Variants in SZT2 observed in about 807,000 individuals in gnomAD.
SZT2 encodes SZT2 subunit of KICSTOR complex, also known as KICSTOR complex protein SZT2.
Under a neutral mutation model 404.2 loss-of-function variants are expected in SZT2, and 216 were observed. The ratio of observed to expected loss-of-function variants is 0.53; its 90% CI spans 0.48 to 0.60. The LOEUF is 0.60. SZT2 is among the 20% of genes least tolerant of loss of function. SZT2 has a pLI of 0.00. For synonymous variants in SZT2, 1,693 were observed against 1,749.9 expected (o/e 0.97, Z 0.81); for missense variants, 3,857 against 4,459.2 (o/e 0.86, Z 3.85).
At chr1:43,419,387 T>A (rs1410084380) in intron 7 of SZT2, among the ~76,000 whole-genome samples, 2 of 152,234 alleles carry the variant, frequency 1.3e-5, no homozygotes, top group Non-Finnish European at 2.9e-5. Context: ...CAGGTGTTTT[T>A]CATACACCCT....
intron 46 of SZT2, 40 bp from the exon 47 acceptor site, chr1:43,438,659 T>A (rs760709947): frequency 8.2e-6 from 13 of 1,584,626 alleles, no homozygotes. Context: ...AGCTGGATCC[T>A]CTACCAGTGT....
chr1:43,409,463 GA>G, intron 4 of SZT2: 1 of 386,270 alleles, frequency 2.6e-6, no homozygotes, highest in Non-Finnish European at 5.0e-6. Context: ...ATCCAAACTG[GA>G]AAATAAGTCA....
intron 46 of SZT2, 85 bp from the exon 47 acceptor site, chr1:43,438,614 C>CT (rs2153935237): frequency 2.3e-6 from 3 of 1,304,000 alleles, no homozygotes; most frequent in East Asian, 2.4e-5. Flanking sequence ...ACAGGGGATT[C>CT]TTTGAGTTTG....
Position 43,423,297 on chromosome 1 carries a change from C to G in SZT2, c.2236C>G (p.Leu746Val). 2 of 1,542,856 alleles carry G rather than the reference C, an allele frequency of 1.3e-6. No individual in the cohort carries two copies. Among genetic ancestry groups the G allele is most frequent in the South Asian group, 2.5e-5 (2 of 81,004 alleles). Residue 746 changes from leucine (L) to valine (V), a missense_variant, in exon 15 of 72, where the codon CTG becomes GTG. Transcript: ENST00000634258. Reference sequence around the variant, plus strand: ...CTGCCTTGTGGTCCTGCATAAGCCACTGGACAAACTGCTCATCAGGTTGGT... The same window carrying G: ...CTGCCTTGTGGTCCTGCATAAGCCAGTGGACAAACTGCTCATCAGGTTGGT... ...RPCLVVLHKP[L>V]DKLLIRYEKL...
chr1:43,432,230 G>A, intron 36 of SZT2, 42 bp from the exon 37 acceptor site: 3 of 1,518,052 alleles, frequency 2.0e-6, no homozygotes, highest in Non-Finnish European at 2.6e-6. Context: ...GTGTAGGGAG[G>A]ACTGCCCTGC....
At chr1:43,409,417 C>A (rs1031266894) in intron 4 of SZT2, 2 of 348,244 alleles carry the variant, frequency 5.7e-6, no homozygotes, top group Non-Finnish European at 1.1e-5. Flanking sequence ...TGAAGGTCTA[C>A]CTAGAATAGT....
Position 43,430,109 on chromosome 1 carries a change from T to C in SZT2, c.4401+6T>C, listed in dbSNP as rs1278819491. On this transcript the variant is annotated splice_donor_region_variant and intron_variant, in intron 30 of 71. Coordinates refer to ENST00000634258, the MANE Select transcript of SZT2 (RefSeq NM_001365999.1). ...CTCCATCCAGCAGGCGAGAAGTGAGTGGCTCTCTTCCTTACCTCTCTCGTG... is the reference window on the plus strand; with the variant it reads ...CTCCATCCAGCAGGCGAGAAGTGAGCGGCTCTCTTCCTTACCTCTCTCGTG... 1 of 1,613,862 alleles carries C rather than the reference T, an allele frequency of 6.2e-7. No homozygotes were observed. Among genetic ancestry groups the C allele is most frequent in the South Asian group, 1.1e-5 (1 of 91,074 alleles).
chr1:43,427,489 CAGAT>C (rs768094751), intron 25 of SZT2, 37 bp from the exon 26 acceptor site: 11 of 1,613,010 alleles, frequency 6.8e-6, no homozygotes, highest in South Asian at 6.6e-5. Context: ...GAGTGGGAAA[CAGAT>C]AGAGCTGGAA....
Position 43,426,933 on chromosome 1 carries a change from C to A in SZT2, c.3310-123C>A. ...GCATCTGCCAATGACACAATGCCGT[C>A]ATTTTCCATTGTCCTGGATCTTTCA... On this transcript the variant is annotated intron_variant, in intron 23 of 71. Coordinates refer to ENST00000634258, the MANE Select transcript of SZT2 (RefSeq NM_001365999.1). This position sits in a 1 kb window ranked among gnomAD's most constrained non-coding sequence, Gnocchi z 4.9. The A allele has an allele frequency of 6.4e-7, 1 of 1,558,146 alleles. No homozygotes were observed. Among genetic ancestry groups the A allele is most frequent in the Non-Finnish European group, 8.8e-7 (1 of 1,141,216 alleles).
chr1:43,396,729 C>T (rs542082042), intron 1 of SZT2, among the ~76,000 whole-genome samples: 3 of 152,326 alleles, frequency 2.0e-5, no homozygotes, highest in South Asian at 2.1e-4. Context: ...CTTTCTGTAA[C>T]ACTGTTCTTT....
At chr1:43,449,983 G>A (rs766493857) in intron 70 of SZT2, 120 bp from the exon 71 acceptor site, 1 of 1,186,374 alleles carries the variant, frequency 8.4e-7, no homozygotes, top group Non-Finnish European at 1.2e-6. Flanking sequence ...TGTGACCTCA[G>A]GGTGCAGGCG....
chr1:43,428,405 C>T lies in SZT2; in HGVS notation c.4085C>T (p.Pro1362Leu), dbSNP rs1653447131. The part of the protein sequence containing the change: ...GLPHAPPSPG[P>L]LSPGPFSSSM... Reference sequence around the variant, plus strand: ...CCTCATGCACCCCCAAGTCCTGGTCCTCTCAGCCCTGGGCCCTTCAGCAGC... The same window carrying T: ...CCTCATGCACCCCCAAGTCCTGGTCTTCTCAGCCCTGGGCCCTTCAGCAGC... Residue 1362 changes from proline (P) to leucine (L), a missense_variant, in exon 28 of 72, where the codon CCT becomes CTT. By Grantham distance (98) the Pro-to-Leu change is moderately conservative. Coordinates refer to ENST00000634258, the MANE Select transcript of SZT2 (RefSeq NM_001365999.1). The T allele has an allele frequency of 1.2e-6, 2 of 1,614,170 alleles. No homozygotes were observed. Among genetic ancestry groups the T allele is most frequent in the Non-Finnish European group, 1.7e-6 (2 of 1,180,030 alleles).
chr1:43,451,493 C>G lies in SZT2; in HGVS notation c.*1013C>G. 1 of 1,614,172 alleles carries G rather than the reference C, an allele frequency of 6.2e-7. No homozygotes were observed. Among genetic ancestry groups the G allele is most frequent in the South Asian group, 1.1e-5 (1 of 91,090 alleles). The stretch of plus-strand genomic sequence containing the variant: ...AAACAGATAGGGGAAATTCAGCTCT[C>G]CGGGGCTGCTGGGCTCCCCTCGGCC... On this transcript the variant is annotated 3_prime_UTR_variant, in exon 72 of 72. Transcript: ENST00000634258.
Position 43,425,605 on chromosome 1 carries a change from A to T in SZT2, c.2777A>T (p.His926Leu). The part of the protein sequence containing the change: ...RVGPGPGIWK[H>L]LQDLTYSEIP... ...GGACCTGGCCCTGGAATCTGGAAGC[A>T]CCTCCAGGACCTGACGTATTCTGAG... The change falls in exon 19 of 72, where the codon CAC (histidine) becomes CTC (leucine). Residue 926 changes from histidine to leucine, a missense_variant. Physicochemically the swap from His to Leu is moderately conservative, Grantham distance 99. This residue lies in a region of SZT2 where 1,725 missense variants were observed against 1,881.0 expected (regional missense o/e 0.92). Coordinates refer to ENST00000634258, the MANE Select transcript of SZT2 (RefSeq NM_001365999.1). The surrounding 1 kb of genome is among the most constrained non-coding windows in gnomAD (Gnocchi z 4.3). 1 of 1,613,992 alleles carries T rather than the reference A, an allele frequency of 6.2e-7. No individual in the cohort carries two copies. Among genetic ancestry groups the T allele is most frequent in the Non-Finnish European group, 8.5e-7 (1 of 1,180,004 alleles).
Position 43,420,814 on chromosome 1 carries a change from G to C in SZT2, c.1327G>C (p.Ala443Pro). 6.3e-7 allele frequency: 1 copy of C among 1,598,484 alleles called. No individual in the cohort carries two copies. The highest frequency in any genetic ancestry group is 8.5e-7 in the Non-Finnish European group (1 of 1,179,812). The change falls in exon 10 of 72, where the codon GCT becomes CCT. Residue 443 changes from alanine to proline, a missense_variant. Physicochemically the swap from Ala to Pro is conservative, Grantham distance 27. Around this residue, in one of 7 missense-constraint regions of SZT2, gnomAD observed 536 missense variants for 637.4 expected, o/e 0.84. Coordinates refer to ENST00000634258, the MANE Select transcript of SZT2 (RefSeq NM_001365999.1). The surrounding 1 kb of genome is among the most constrained non-coding windows in gnomAD (Gnocchi z 5.1). ...ACACAACATGCGCATTGAGTATGTG[G>C]CTATGGCACCCTGGCCCCTGGAGCC... ...WKHNMRIEYV[A>P]MAPWPLEPEG...
chr1:43,433,069 A>G lies in SZT2; in HGVS notation c.5683A>G (p.Thr1895Ala). The change falls in exon 40 of 72, where the codon ACT (threonine) becomes GCT (alanine). Residue 1895 changes from threonine (T) to alanine (A), a missense_variant. Coordinates refer to ENST00000634258, the MANE Select transcript of SZT2 (RefSeq NM_001365999.1). ...LGEKAPFTLRTPPGPAPPQPS... is the reference protein window; with the variant it reads ...LGEKAPFTLRAPPGPAPPQPS... ...TGAGAAGGCCCCCTTCACATTGCGG[A>G]CTCCACCTGGGCCAGCACCTCCACA... is the stretch of plus-strand genomic sequence containing the variant. 1 of 1,613,102 alleles carries G rather than the reference A, an allele frequency of 6.2e-7. No homozygotes were observed. The highest frequency in any genetic ancestry group is 8.5e-7 in the Non-Finnish European group (1 of 1,179,786).
intron 15 of SZT2, 23 bp downstream of exon 15, chr1:43,423,339 G>T (rs2153932680): frequency 6.6e-7 from 1 of 1,516,994 alleles, no homozygotes; most frequent in East Asian, 2.3e-5. Flanking sequence ...GTGTGGAAGG[G>T]CGTGGCTTAG....
rs996243196 is a variant in SZT2 at position 43,452,480 on chromosome 1, A to G, written c.*2000A>G. 5.5e-5 allele frequency: 39 copies of G among 709,878 alleles called. No homozygotes were observed. The highest frequency in any genetic ancestry group is 8.6e-5 in the Non-Finnish European group (33 of 383,738). 44.0% of individuals were successfully genotyped at this position (709,878 alleles called of 1,614,324 possible). A position where few individuals can be genotyped will look rare whatever the true frequency, so the allele number is the denominator to read the frequency against. On this transcript the variant is annotated 3_prime_UTR_variant, in exon 72 of 72. Coordinates refer to ENST00000634258, the MANE Select transcript of SZT2 (RefSeq NM_001365999.1). ...ATCCCAGCACTTTCAGAGACACTTC[A>G]GTGATGGCTGAGGGGCAAGCCCTTT...
chr1:43,417,912 A>T (rs1651894451), intron 7 of SZT2, among the ~76,000 whole-genome samples: 1 of 152,202 alleles, frequency 6.6e-6, no homozygotes, highest in Admixed American at 6.5e-5. Flanking sequence ...TCAGCCAGGA[A>T]CCAGAAGATT....
Sources: allele counts gnomAD v4.1 joint callset (sites outside exome capture counted in the v4.1 genomes callset), GRCh38; gene constraint gnomAD v4.1.1; regional missense constraint gnomAD v4.1.1; non-coding constraint Gnocchi (gnomAD v3.1); transcripts MANE v1.5; gene names NCBI Gene and HGNC (gene_info 2026-07-23, HGNC 2026-07-21).